CADM1: variants seen among roughly 807,000 people sequenced by gnomAD.
The protein encoded by CADM1 is TSLC-1.
A neutral mutation model predicts 53.1 loss-of-function variants in CADM1; 15 were observed. The ratio of observed to expected loss-of-function variants is 0.28; its 90% CI spans 0.19 to 0.44. CADM1 has a LOEUF of 0.44. Among genes scored for constraint, CADM1 ranks in the 20% least tolerant of loss-of-function variants. The pLI is 1.00. For missense variants in CADM1, 434 were observed against 611.3 expected (o/e 0.71, Z 3.06); for synonymous variants, 281 against 243.0 (o/e 1.16, Z -1.45).
intron 1 of CADM1, among the ~76,000 whole-genome samples, chr11:115,391,988 A>G (rs1326297279): frequency 2.6e-5 from 4 of 152,228 alleles, no homozygotes; most frequent in Non-Finnish European, 2.9e-5. Flanking sequence ...TCAGGCCCAC[A>G]CTAACAATAT....
chr11:115,225,240 C>A (rs773837473), intron 5 of CADM1, among the ~76,000 whole-genome samples: 1 of 150,944 alleles, frequency 6.6e-6, no homozygotes. Flanking sequence ...CAAACAAGAG[C>A]GGCTAATGCC....
intron 1 of CADM1, among the ~76,000 whole-genome samples, chr11:115,245,753 C>T (rs1230220578): frequency 1.3e-5 from 2 of 152,182 alleles, no homozygotes; most frequent in East Asian, 1.9e-4. Flanking sequence ...CCCAAGTCAA[C>T]GTAAACACAG....
intron 3 of CADM1, among the ~76,000 whole-genome samples, chr11:115,232,510 C>T (rs1399551568): frequency 3.9e-5 from 6 of 152,164 alleles, no homozygotes; most frequent in Non-Finnish European, 8.8e-5. Flanking sequence ...CTCTTAAGTG[C>T]TTATAAGTAG....
chr11:115,474,363 C>G (rs944966502), intron 1 of CADM1, among the ~76,000 whole-genome samples: 2 of 149,564 alleles, frequency 1.3e-5, no homozygotes, highest in Admixed American at 1.3e-4. Flanking sequence ...ATATTCATAT[C>G]GCAAATAAGC....
Position 115,275,288 on chromosome 11 carries a change from C to A in CADM1, c.125-34868G>T, listed in dbSNP as rs796482395. Among the ~76,000 whole-genome samples the A allele has an allele frequency of 9.4e-4, 143 of 152,322 alleles. 2 individuals carry two copies. Among genetic ancestry groups the A allele is most frequent in the African/African-American group, 3.4e-3 (141 of 41,574 alleles). On this transcript the variant is annotated intron_variant, in intron 1 of 11. Coordinates refer to ENST00000331581, the MANE Select transcript of CADM1 (RefSeq NM_001301043.2). The stretch of plus-strand genomic sequence containing the variant: ...CTTGGCTGCCCAATCAATTCCAACT[C>A]ATTTTTCAGATCTCAGTGCAGGTGC...
intron 1 of CADM1, among the ~76,000 whole-genome samples, chr11:115,447,085 C>T (rs1420831447): frequency 2.0e-5 from 3 of 152,158 alleles, no homozygotes; most frequent in Non-Finnish European, 4.4e-5. Context: ...TACTCACCTG[C>T]ATAACTCCCC....
intron 1 of CADM1, among the ~76,000 whole-genome samples, chr11:115,458,840 C>G (rs1565438233): frequency 1.3e-5 from 2 of 152,122 alleles, no homozygotes; most frequent in African/African-American, 4.8e-5. Context: ...TTACATATTT[C>G]TAAGTTAAGG....
intron 1 of CADM1, among the ~76,000 whole-genome samples, chr11:115,427,568 A>C (rs1438098967): frequency 1.3e-5 from 2 of 152,258 alleles, no homozygotes; most frequent in Non-Finnish European, 2.9e-5. Flanking sequence ...CAAACATAGA[A>C]GAATACAGAA....
At chr11:115,483,247 C>T (rs1180320150) in intron 1 of CADM1, among the ~76,000 whole-genome samples, 1 of 152,168 alleles carries the variant, frequency 6.6e-6, no homozygotes, top group African/African-American at 2.4e-5. Context: ...GTTACTATGG[C>T]CAGACCTCAT....
chr11:115,473,369 G>A (rs1949058838), intron 1 of CADM1, among the ~76,000 whole-genome samples: 1 of 152,150 alleles, frequency 6.6e-6, no homozygotes, highest in South Asian at 2.1e-4. Context: ...AAAGGCGGGA[G>A]GTTCACTTGG....
At chr11:115,222,856 A>G (rs2134806014) in intron 5 of CADM1, among the ~76,000 whole-genome samples, 1 of 152,308 alleles carries the variant, frequency 6.6e-6, no homozygotes, top group East Asian at 1.9e-4. Flanking sequence ...ATATTCTTCC[A>G]TGTCTTGGAA....
Position 115,242,427 on chromosome 11 carries a change from G to C in CADM1, c.125-2007C>G, listed in dbSNP as rs190448707. On this transcript the variant is annotated intron_variant, in intron 1 of 11. Transcript: ENST00000331581. ...AGAATTCAGAACCCAGCTGGAGAAAGTTTATTCCCAGATTGGAGAAAAGAA... is the reference window on the plus strand; with the variant it reads ...AGAATTCAGAACCCAGCTGGAGAAACTTTATTCCCAGATTGGAGAAAAGAA... 3.1e-3 allele frequency among the ~76,000 whole-genome samples: 464 copies of C among 151,742 alleles called. 4 individuals are homozygous for C. The highest frequency in any genetic ancestry group is 5.7e-3 in the Non-Finnish European group (386 of 67,966).
intron 1 of CADM1, among the ~76,000 whole-genome samples, chr11:115,357,361 A>C (rs1003772902): frequency 6.6e-6 from 1 of 152,334 alleles, no homozygotes; most frequent in Admixed American, 6.5e-5. Flanking sequence ...TCATTCATTC[A>C]GTTTTAAATG....
chr11:115,368,799 G>A (rs1247719361), intron 1 of CADM1, among the ~76,000 whole-genome samples: 1 of 151,938 alleles, frequency 6.6e-6, no homozygotes, highest in African/African-American at 2.4e-5. Flanking sequence ...TGCAGTGTCA[G>A]GAATGTCCTA....
At chr11:115,446,224 G>C (rs112332204) in intron 1 of CADM1, among the ~76,000 whole-genome samples, 7 of 152,054 alleles carry the variant, frequency 4.6e-5, no homozygotes, top group African/African-American at 1.7e-4. Context: ...AGAATACAGG[G>C]GTCAGGCATT....
intron 7 of CADM1, among the ~76,000 whole-genome samples, chr11:115,210,092 C>T (rs576014052): frequency 1.3e-5 from 2 of 152,266 alleles, no homozygotes; most frequent in African/African-American, 4.8e-5. Flanking sequence ...CAAGGATGAG[C>T]GTGCCCCTGC....
chr11:115,218,733 T>A (rs1050910465), intron 5 of CADM1, among the ~76,000 whole-genome samples: 10 of 152,278 alleles, frequency 6.6e-5, no homozygotes, highest in South Asian at 2.1e-4. Context: ...GCATTTCCAA[T>A]GGCAATCCAT....
At chr11:115,475,041 G>A (rs1408826545) in intron 1 of CADM1, among the ~76,000 whole-genome samples, 1 of 152,042 alleles carries the variant, frequency 6.6e-6, no homozygotes, top group Non-Finnish European at 1.5e-5. Flanking sequence ...ATGTATAGTT[G>A]TCCCTCAGTA....
intron 2 of CADM1, among the ~76,000 whole-genome samples, chr11:115,238,867 T>C (rs1942109621): frequency 6.6e-6 from 1 of 151,908 alleles, no homozygotes; most frequent in Non-Finnish European, 1.5e-5. Flanking sequence ...TGTGCATATA[T>C]ATATATATGC....
Sources: allele counts gnomAD v4.1 joint callset (sites outside exome capture counted in the v4.1 genomes callset), GRCh38; gene constraint gnomAD v4.1.1; transcripts MANE v1.5; gene names NCBI Gene and HGNC (gene_info 2026-07-23, HGNC 2026-07-21).